Variants in PRPF39 observed in about 807,000 individuals in gnomAD.
PRPF39 encodes pre-mRNA-processing factor 39.
Under a neutral mutation model 82.1 loss-of-function variants are expected in PRPF39, and 27 were observed. The observed-to-expected ratio is 0.33, with a 90% CI of 0.24 to 0.45. The LOEUF (loss-of-function observed/expected upper bound fraction) is 0.45, where lower values mean the gene tolerates loss of function less well. Ranked by LOEUF, PRPF39 falls within the 20% of genes least tolerant of loss-of-function variation. The pLI, the probability that PRPF39 is intolerant of heterozygous loss-of-function variation, is 1.00. For synonymous variants in PRPF39, 261 were observed against 256.4 expected, an observed-to-expected ratio of 1.02 and a Z score of -0.17; for missense variants, 581 against 796.9, an observed-to-expected ratio of 0.73 and a Z score of 3.26.
Position 45,109,738 on chromosome 14 carries a change from ATG to A in PRPF39, c.1138_1139del (p.Val380HisfsTer7). On this transcript the variant is annotated frameshift_variant, in exon 8 of 14. Transcript: ENST00000355765. LOFTEE classifies it high-confidence loss of function. ...AACGAGTTGTGGTTCTCTTTGAAAG[ATG>A]TGTCATATCATGTGCCCTCTATGAG... ...HERVVVLFER[C>X]VISCALYEEF... 6.2e-7 allele frequency: 1 copy of A among 1,608,676 alleles called. No individual in the cohort carries two copies. The highest frequency in any genetic ancestry group is 8.5e-7 in the Non-Finnish European group (1 of 1,177,148).
At chr14:45,108,884 GTTTT>G (rs917934102) in intron 7 of PRPF39, among the ~76,000 whole-genome samples, 7 of 151,464 alleles carry the variant, frequency 4.6e-5, no homozygotes, top group Admixed American at 4.6e-4. Context: ...TAATTCTTTG[GTTTT>G]TTTTGACTGC....
chr14:45,101,326 CTT>C (rs1279746408), intron 4 of PRPF39, among the ~76,000 whole-genome samples: 1 of 152,138 alleles, frequency 6.6e-6, no homozygotes, highest in Non-Finnish European at 1.5e-5. Flanking sequence ...AAAAATCTCT[CTT>C]GATTCTAAGA....
At chr14:45,087,998 T>G (rs1883896734) in intron 1 of PRPF39, among the ~76,000 whole-genome samples, 1 of 152,202 alleles carries the variant, frequency 6.6e-6, no homozygotes, top group Non-Finnish European at 1.5e-5. Context: ...TGTTACTTGT[T>G]TATTGTTCAA....
At chr14:45,084,749 G>A (rs1883768418) in intron 1 of PRPF39, among the ~76,000 whole-genome samples, 1 of 152,144 alleles carries the variant, frequency 6.6e-6, no homozygotes, top group South Asian at 2.1e-4. Flanking sequence ...ACAGCTTTTG[G>A]CAGGATACTT....
chr14:45,087,415 T>G (rs1289649523), intron 1 of PRPF39, among the ~76,000 whole-genome samples: 1 of 151,950 alleles, frequency 6.6e-6, no homozygotes, highest in East Asian at 1.9e-4. Flanking sequence ...GTGTATTATT[T>G]TTTTTGATGG....
intron 6 of PRPF39, among the ~76,000 whole-genome samples, chr14:45,107,994 CA>C (rs1262321177): frequency 6.6e-6 from 1 of 152,072 alleles, no homozygotes; most frequent in Non-Finnish European, 1.5e-5. Context: ...CCATGAGTGG[CA>C]CAGTGATCAC....
chr14:45,101,911 A>C (rs977797300), intron 4 of PRPF39, among the ~76,000 whole-genome samples: 1 of 151,638 alleles, frequency 6.6e-6, no homozygotes, highest in Non-Finnish European at 1.5e-5. Flanking sequence ...GGTTCAAGCA[A>C]TTCTCCTGCC....
chr14:45,091,142 C>A (rs765765754), intron 1 of PRPF39, among the ~76,000 whole-genome samples: 7 of 151,860 alleles, frequency 4.6e-5, no homozygotes, highest in Non-Finnish European at 1.0e-4. Flanking sequence ...CTTTCTTTTT[C>A]TTTTTTCCTT....
At position 45,109,620 on chromosome 14, in the gene PRPF39, A is replaced by G. The variant is rs746219354; in HGVS notation, c.1016A>G (p.Lys339Arg). The G allele has an allele frequency of 1.4e-5, 22 of 1,599,446 alleles. No individual in the cohort carries two copies. In the East Asian group the frequency reaches 2.0e-4, roughly 15 times the overall value. The change falls in exon 8 of 14, where the codon AAA (lysine) becomes AGA (arginine). Residue 339 changes from lysine to arginine, a missense_variant. Lys to Arg is a conservative substitution (Grantham distance 26). Transcript: ENST00000355765. The stretch of plus-strand genomic sequence containing the variant: ...CATGTTACAATTTCATTTCAGATTA[A>G]AAGACCTTACTTTCATGTGAAACCT... ...SKRWTFEEGI[K>R]RPYFHVKPLE...
Position 45,110,463 on chromosome 14 carries a change from C to G in PRPF39, c.1304-86C>G. Reference sequence around the variant, plus strand: ...CCCATTATTAGTTGCTGGATTTAGCCCATGGGTGATTGTTGCCAGTATCTG... The same window carrying G: ...CCCATTATTAGTTGCTGGATTTAGCGCATGGGTGATTGTTGCCAGTATCTG... On this transcript the variant is annotated intron_variant, in intron 9 of 13. Coordinates refer to ENST00000355765, the MANE Select transcript of PRPF39 (RefSeq NM_017922.4). This position sits in a 1 kb window ranked among gnomAD's most constrained non-coding sequence, Gnocchi z 4.0. 1 of 1,372,272 alleles carries G rather than the reference C, an allele frequency of 7.3e-7. No homozygotes were observed. Among genetic ancestry groups the G allele is most frequent in the Non-Finnish European group, 9.9e-7 (1 of 1,008,592 alleles). 85.0% of individuals were successfully genotyped at this position (1,372,272 alleles called of 1,614,324 possible). A position where few individuals can be genotyped will look rare whatever the true frequency, so the allele number is the denominator to read the frequency against.
chr14:45,084,639 A>T (rs1242226924), intron 1 of PRPF39, among the ~76,000 whole-genome samples: 1 of 152,144 alleles, frequency 6.6e-6, no homozygotes, highest in Non-Finnish European at 1.5e-5. Flanking sequence ...TTGGGAAGAT[A>T]ATATACGTTC....
At chr14:45,085,454 A>G (rs988832799) in intron 1 of PRPF39, among the ~76,000 whole-genome samples, 4 of 152,232 alleles carry the variant, frequency 2.6e-5, no homozygotes, top group Non-Finnish European at 5.9e-5. Flanking sequence ...GTCAAATGAT[A>G]AAAATTGTAT....
In PRPF39 at chr14:45,102,627, G is replaced by A. The variant is rs1469561976; in HGVS notation, c.668G>A (p.Arg223Lys). The A allele has an allele frequency of 2.5e-6, 4 of 1,612,034 alleles. No homozygotes were observed. The Admixed American group carries it at 6.7e-5, about 27-fold the overall frequency. ...INWENEQGNLREVTAIYDRIL... is the reference protein window; with the variant it reads ...INWENEQGNLKEVTAIYDRIL... The stretch of plus-strand genomic sequence containing the variant: ...TGGGAAAATGAGCAGGGAAACCTGA[G>A]AGAAGTTACAGCTATATATGATCGT... Residue 223 changes from arginine (R) to lysine (K), a missense_variant, in exon 5 of 14, where the codon AGA (arginine) becomes AAA (lysine). Physicochemically the swap from Arg to Lys is conservative, Grantham distance 26. Coordinates refer to ENST00000355765, the MANE Select transcript of PRPF39 (RefSeq NM_017922.4).
In PRPF39 at chr14:45,114,896, C is replaced by T; in HGVS notation, c.1993C>T (p.Pro665Ser). The change falls in exon 14 of 14, where the codon CCT becomes TCT. Residue 665 changes from proline (P) to serine (S), a missense_variant. Physicochemically the swap from Pro to Ser is moderately conservative, Grantham distance 74. Coordinates refer to ENST00000355765, the MANE Select transcript of PRPF39 (RefSeq NM_017922.4). ...TCCTTGGAATTATGGACAATATTAT[C>T]CTCCCCCTCCAACCTGATGGGAAAA... is the stretch of plus-strand genomic sequence containing the variant. ...QNPWNYGQYY[P>S]PPPT 6.3e-7 allele frequency: 1 copy of T among 1,598,326 alleles called. No individual in the cohort carries two copies. The highest frequency in any genetic ancestry group is 8.6e-7 in the Non-Finnish European group (1 of 1,166,236).
At chr14:45,109,938 C>A in intron 8 of PRPF39, 156 bp from the exon 9 acceptor site, 1 of 1,529,638 alleles carries the variant, frequency 6.5e-7, no homozygotes, top group South Asian at 1.3e-5. Flanking sequence ...CATATGCCAA[C>A]CTCGTTGCCT....
At position 45,110,415 on chromosome 14, in the gene PRPF39, T is replaced by G; in HGVS notation, c.1304-134T>G. On this transcript the variant is annotated intron_variant, in intron 9 of 13. Coordinates refer to ENST00000355765, the MANE Select transcript of PRPF39 (RefSeq NM_017922.4). This position sits in a 1 kb window ranked among gnomAD's most constrained non-coding sequence, Gnocchi z 4.0. ...GTAGCCCCGAAACAGCCATAGGCAG[T>G]GTGTAAATATGCATGGCTGTTTCCC... is the stretch of plus-strand genomic sequence containing the variant. 5.0e-6 allele frequency: 6 copies of G among 1,189,378 alleles called. No individual in the cohort carries two copies. The highest frequency in any genetic ancestry group is 7.0e-6 in the Non-Finnish European group (6 of 858,430). 73.7% of individuals were successfully genotyped at this position (1,189,378 alleles called of 1,614,324 possible).
At chr14:45,097,095 G>GT in intron 4 of PRPF39, 90 bp downstream of exon 4, 1 of 1,411,688 alleles carries the variant, frequency 7.1e-7, no homozygotes, top group Non-Finnish European at 9.2e-7. Context: ...TAAGCTGGAA[G>GT]TTTAACTTCT....
intron 12 of PRPF39, 71 bp downstream of exon 12, chr14:45,114,328 A>C (rs1158894321): frequency 5.0e-6 from 7 of 1,408,990 alleles, no homozygotes; most frequent in Non-Finnish European, 6.8e-6. Flanking sequence ...AAATGTTTTT[A>C]AGTGTTACTT....
At chr14:45,090,641 A>G (rs1388430057) in intron 1 of PRPF39, among the ~76,000 whole-genome samples, 3 of 151,870 alleles carry the variant, frequency 2.0e-5, no homozygotes, top group African/African-American at 4.9e-5. Context: ...GTTTTCATCT[A>G]TAGATTGCTA....
Sources: gnomAD v4.1 joint callset for allele counts (sites outside exome capture counted in the v4.1 genomes callset) on GRCh38, gnomAD v4.1.1 for gene constraint, Gnocchi (gnomAD v3.1) non-coding constraint, MANE v1.5 for transcripts, NCBI Gene and HGNC (gene_info 2026-07-23, HGNC 2026-07-21) for gene names.